The following ATF2 variants were observed in gnomAD, a reference collection of about 807,000 sequenced individuals.
The protein encoded by ATF2 is activating transcription factor 2.
Under a neutral mutation model 60.6 loss-of-function variants are expected in ATF2, and 24 were observed. The observed-to-expected ratio is 0.40, with a 90% CI of 0.29 to 0.56. The LOEUF is 0.56. Among genes scored for constraint, ATF2 ranks in the 20% least tolerant of loss-of-function variants. ATF2 has a pLI of 0.54. For missense variants in ATF2, 433 were observed against 607.7 expected, an observed-to-expected ratio of 0.71 and a Z score of 3.02; for synonymous variants, 206 against 215.4, an observed-to-expected ratio of 0.96 and a Z score of 0.38.
intron 11 of ATF2, among the ~76,000 whole-genome samples, chr2:175,094,004 T>C (rs556218173): frequency 6.6e-6 from 1 of 152,202 alleles, no homozygotes; most frequent in Non-Finnish European, 1.5e-5. Context: ...ACTAGTAATA[T>C]TGTCTAGTGT....
chr2:175,136,265 G>T, intron 3 of ATF2, 147 bp downstream of exon 3: 1 of 733,824 alleles, frequency 1.4e-6, no homozygotes, highest in South Asian at 1.6e-5. Flanking sequence ...CAAAATAGGA[G>T]TATCAGCTAA....
intron 6 of ATF2, 63 bp downstream of exon 6, chr2:175,118,188 G>T (rs1696716602): frequency 6.3e-7 from 1 of 1,591,926 alleles, no homozygotes; most frequent in East Asian, 2.2e-5. Flanking sequence ...AAAGCAGGAA[G>T]TATAAACTAT....
At position 175,080,000 on chromosome 2, in the gene ATF2, AAAG is replaced by A. The variant is rs143485985; in HGVS notation, c.1291+657_1291+659del. Among the ~76,000 whole-genome samples the A allele has an allele frequency of 5.3e-3, 800 of 152,266 alleles. 5 individuals are homozygous for A. Among genetic ancestry groups the A allele is most frequent in the African/African-American group, 0.018 (752 of 41,560 alleles). ...TTCCAACACTGTGCATCTTATCAAA[AAAG>A]AAGGACATTACAAAAAGGAAAAGGC... On this transcript the variant is annotated intron_variant, in intron 13 of 13. Coordinates refer to ENST00000264110, the MANE Select transcript of ATF2 (RefSeq NM_001880.4).
intron 2 of ATF2, among the ~76,000 whole-genome samples, chr2:175,142,655 C>A (rs998209301): frequency 6.6e-6 from 1 of 150,512 alleles, no homozygotes; most frequent in African/African-American, 2.5e-5. Context: ...ATCAATCTTA[C>A]ATAATTCTAA....
At chr2:175,139,289 T>C (rs1213609790) in intron 2 of ATF2, among the ~76,000 whole-genome samples, 3 of 152,210 alleles carry the variant, frequency 2.0e-5, no homozygotes. Context: ...AACTGTAATT[T>C]GTAAAATGGG....
chr2:175,074,999 C>A, intron 13 of ATF2, 164 bp from the exon 14 acceptor site: 1 of 1,498,904 alleles, frequency 6.7e-7, no homozygotes, highest in Admixed American at 2.0e-5. Context: ...GGCAATTTTA[C>A]CTGCAATAGG....
chr2:175,081,617 T>G (rs751956144), intron 12 of ATF2, among the ~76,000 whole-genome samples: 1 of 152,220 alleles, frequency 6.6e-6, no homozygotes, highest in Non-Finnish European at 1.5e-5. Context: ...TTCTACTTAC[T>G]TGGACTCACA....
intron 1 of ATF2, among the ~76,000 whole-genome samples, chr2:175,157,987 G>A (rs1699790039): frequency 6.7e-6 from 1 of 150,194 alleles, no homozygotes; most frequent in Non-Finnish European, 1.5e-5. Context: ...GTGAGACTCT[G>A]TCTCAAAAAA....
At chr2:175,075,780 T>C (rs1448306386) in intron 13 of ATF2, among the ~76,000 whole-genome samples, 1 of 152,192 alleles carries the variant, frequency 6.6e-6, no homozygotes, top group Non-Finnish European at 1.5e-5. Context: ...CACTCTGACA[T>C]TTCTTTAACC....
intron 10 of ATF2, among the ~76,000 whole-genome samples, chr2:175,107,012 C>G (rs957729292): frequency 6.6e-6 from 1 of 151,926 alleles, no homozygotes; most frequent in Non-Finnish European, 1.5e-5. Flanking sequence ...GTAGTCCCAG[C>G]TACTTGAGGG....
intron 10 of ATF2, among the ~76,000 whole-genome samples, chr2:175,104,297 C>T (rs1695494754): frequency 6.6e-6 from 1 of 152,122 alleles, no homozygotes; most frequent in Admixed American, 6.5e-5. Flanking sequence ...CTACAATATA[C>T]AGCATGTTAT....
At position 175,136,307 on chromosome 2, in the gene ATF2, T is replaced by C; in HGVS notation, c.32+105A>G. On this transcript the variant is annotated intron_variant, in intron 3 of 13. Transcript: ENST00000264110. ...TACTAAGTAAGTGACTTGTTTTGTA[T>C]GGAAAAAAACACCACAAATACTTAC... The C allele has an allele frequency of 2.8e-6, 3 of 1,086,170 alleles. No individual in the cohort carries two copies. The South Asian group carries it at 4.0e-5, about 15-fold the overall frequency. 67.3% of individuals were successfully genotyped at this position (1,086,170 alleles called of 1,614,324 possible). A position where few individuals can be genotyped will look rare whatever the true frequency, so the allele number is the denominator to read the frequency against.
chr2:175,129,032 A>G (rs1175092264), intron 4 of ATF2, among the ~76,000 whole-genome samples: 4 of 152,164 alleles, frequency 2.6e-5, no homozygotes, highest in African/African-American at 7.2e-5. Flanking sequence ...ATGTGTCCAT[A>G]AAAAGACTTG....
intron 13 of ATF2, among the ~76,000 whole-genome samples, chr2:175,076,425 G>C (rs982426684): frequency 6.6e-6 from 1 of 151,872 alleles, no homozygotes. Context: ...AAAAATTATA[G>C]ATTCAGATGG....
At chr2:175,153,278 T>C (rs1448710358) in intron 1 of ATF2, among the ~76,000 whole-genome samples, 2 of 152,198 alleles carry the variant, frequency 1.3e-5, no homozygotes, top group Admixed American at 6.5e-5. Flanking sequence ...ACCTGACTTA[T>C]TGTAGACGTC....
At chr2:175,155,276 A>C (rs1453310259) in intron 1 of ATF2, among the ~76,000 whole-genome samples, 1 of 152,214 alleles carries the variant, frequency 6.6e-6, no homozygotes, top group African/African-American at 2.4e-5. Flanking sequence ...GAGTTGCCCT[A>C]GGTTGTAGAA....
chr2:175,162,329 C>T (rs927684533), intron 1 of ATF2, among the ~76,000 whole-genome samples: 2 of 152,150 alleles, frequency 1.3e-5, no homozygotes, highest in Admixed American at 1.3e-4. Flanking sequence ...AAATAATTCC[C>T]AATTAGGTAA....
intron 1 of ATF2, among the ~76,000 whole-genome samples, chr2:175,163,902 C>T (rs1700175233): frequency 4.7e-5 from 1 of 21,244 alleles, no homozygotes; most frequent in Non-Finnish European, 1.2e-4. Context: ...GCCTGGGTGA[C>T]ATAGCAACTC....
intron 10 of ATF2, among the ~76,000 whole-genome samples, chr2:175,097,963 T>C (rs1695048920): frequency 6.6e-6 from 1 of 152,220 alleles, no homozygotes; most frequent in Non-Finnish European, 1.5e-5. Context: ...TATTGGATTG[T>C]ACTGGACTCA....
Sources: gnomAD v4.1 joint callset for allele counts (sites outside exome capture counted in the v4.1 genomes callset) on GRCh38, gnomAD v4.1.1 for gene constraint, MANE v1.5 for transcripts, NCBI Gene and HGNC (gene_info 2026-07-23, HGNC 2026-07-21) for gene names.